MBNL1: variants seen among roughly 807,000 people sequenced by gnomAD.
MBNL1 encodes the protein muscleblind-like protein 1.
MBNL1 carries 8 observed loss-of-function variants against 42.2 expected under a neutral mutation model. The observed-to-expected ratio is 0.19, with a 90% CI of 0.11 to 0.34. The LOEUF (loss-of-function observed/expected upper bound fraction) is 0.34. Among genes scored for constraint, MBNL1 ranks in the 10% least tolerant of loss-of-function variants. The probability of loss-of-function intolerance (pLI) is 1.00; values close to 1 mark genes in which losing one functional copy is unlikely to be tolerated. For missense variants in MBNL1, 309 were observed against 495.3 expected (o/e 0.62, Z 3.57); for synonymous variants, 169 against 173.9 (o/e 0.97, Z 0.22).
chr3:152,334,179 T>G (rs1482438574), intron 2 of MBNL1, among the ~76,000 whole-genome samples: 1 of 152,212 alleles, frequency 6.6e-6, no homozygotes, highest in Non-Finnish European at 1.5e-5. Flanking sequence ...GGTTTTCAGT[T>G]TTGCTAATGA....
At chr3:152,277,841 A>G (rs1270585069) in intron 1 of MBNL1, among the ~76,000 whole-genome samples, 1 of 152,106 alleles carries the variant, frequency 6.6e-6, no homozygotes, top group Non-Finnish European at 1.5e-5. Context: ...AATATTTACA[A>G]CTTATTAGTT....
chr3:152,248,092 C>G (rs187411533), intron 2 of MBNL1, among the ~76,000 whole-genome samples: 125 of 151,972 alleles, frequency 8.2e-4, no homozygotes, highest in African/African-American at 2.7e-3. Flanking sequence ...AAAATCACCA[C>G]AGTTTTGATT....
At chr3:152,412,201 A>G (rs7629065) in intron 2 of MBNL1, among the ~76,000 whole-genome samples, 52,674 of 152,076 alleles carry the variant, frequency 0.35, 9,318 homozygotes, top group Middle Eastern at 0.43. Flanking sequence ...CAGCAGCAGA[A>G]TCAGTATTAA....
At chr3:152,288,482 T>C (rs766105073) in intron 1 of MBNL1, among the ~76,000 whole-genome samples, 36 of 152,308 alleles carry the variant, frequency 2.4e-4, no homozygotes, top group Middle Eastern at 3.4e-3. Context: ...CTTTGCATTA[T>C]GTATAGCAGT....
intron 1 of MBNL1, among the ~76,000 whole-genome samples, chr3:152,288,108 G>GT (rs1280072809): frequency 6.6e-6 from 1 of 152,122 alleles, no homozygotes; most frequent in Non-Finnish European, 1.5e-5. Flanking sequence ...AAAAGCGTTG[G>GT]TAATGCTCAC....
intron 2 of MBNL1, among the ~76,000 whole-genome samples, chr3:152,262,132 T>A (rs969933000): frequency 5.9e-5 from 9 of 152,128 alleles, no homozygotes; most frequent in African/African-American, 1.9e-4. Flanking sequence ...TGGCACATAA[T>A]CAGCAGTCAA....
intron 2 of MBNL1, among the ~76,000 whole-genome samples, chr3:152,368,358 C>G (rs1202201952): frequency 6.6e-6 from 1 of 151,972 alleles, no homozygotes; most frequent in African/African-American, 2.4e-5. Context: ...CTGTTCTGTT[C>G]CATTGGTCTA....
At chr3:152,412,875 T>A (rs2098619921) in intron 2 of MBNL1, among the ~76,000 whole-genome samples, 1 of 152,214 alleles carries the variant, frequency 6.6e-6, no homozygotes, top group Non-Finnish European at 1.5e-5. Context: ...AAGTGAATTC[T>A]CGTGGTGACC....
intron 2 of MBNL1, among the ~76,000 whole-genome samples, chr3:152,351,814 G>A (rs1270034567): frequency 1.3e-5 from 2 of 152,154 alleles, no homozygotes; most frequent in East Asian, 1.9e-4. Context: ...AACACAAAAA[G>A]CATGCAAACA....
intron 3 of MBNL1, among the ~76,000 whole-genome samples, chr3:152,425,665 A>G (rs34761467): frequency 0.35 from 52,954 of 151,920 alleles, 9,420 homozygotes; most frequent in Middle Eastern, 0.43. Context: ...AGCATCTCAC[A>G]CCAGTTAGAA....
intron 4 of MBNL1, among the ~76,000 whole-genome samples, chr3:152,443,729 A>G (rs1211316492): frequency 6.6e-6 from 1 of 152,140 alleles, no homozygotes; most frequent in African/African-American, 2.4e-5. Flanking sequence ...CTTATGTTCA[A>G]TAAGATAAAT....
At chr3:152,281,327 AT>A (rs1230032629) in intron 1 of MBNL1, among the ~76,000 whole-genome samples, 1 of 152,080 alleles carries the variant, frequency 6.6e-6, no homozygotes, top group East Asian at 1.9e-4. Flanking sequence ...TCAGTATGGT[AT>A]GAATTAGGCA....
chr3:152,461,400 T>A (rs1745599133), intron 9 of MBNL1, among the ~76,000 whole-genome samples: 1 of 152,222 alleles, frequency 6.6e-6, no homozygotes, highest in East Asian at 1.9e-4. Context: ...GTGTTGTAGG[T>A]TTAGAAGAAG....
chr3:152,465,048 A>G lies in MBNL1; in HGVS notation c.*2682A>G, dbSNP rs1243192867. ...ATTTTTTCAGCTGGAAAGATACGCC[A>G]TCCTTTCAAACCCTCATGACTGACA... On this transcript the variant is annotated 3_prime_UTR_variant, in exon 10 of 10. Transcript: ENST00000324210. 1 of 152,572 alleles carries G rather than the reference A, an allele frequency of 6.6e-6. No homozygotes were observed. Among genetic ancestry groups the G allele is most frequent in the Non-Finnish European group, 1.5e-5 (1 of 68,022 alleles). The allele number at this position is 152,572 out of a possible 1,614,324, so 9.5% of individuals were successfully genotyped here.
chr3:152,369,775 T>C (rs1464170214), intron 2 of MBNL1, among the ~76,000 whole-genome samples: 1 of 152,242 alleles, frequency 6.6e-6, no homozygotes, highest in African/African-American at 2.4e-5. Flanking sequence ...CCATTTCTTC[T>C]AGATTTTCTA....
chr3:152,455,044 ATGTT>A (rs1730867025), intron 6 of MBNL1, among the ~76,000 whole-genome samples: 1 of 152,200 alleles, frequency 6.6e-6, no homozygotes, highest in East Asian at 1.9e-4. Context: ...ATGAAAATGA[ATGTT>A]TGGGTTTCAT....
intron 2 of MBNL1, among the ~76,000 whole-genome samples, chr3:152,377,306 T>C (rs2096952278): frequency 6.6e-6 from 1 of 152,234 alleles, no homozygotes; most frequent in Admixed American, 6.5e-5. Context: ...TACCTACTGC[T>C]GTCCTCTATA....
intron 2 of MBNL1, among the ~76,000 whole-genome samples, chr3:152,332,157 G>A (rs1333550599): frequency 6.6e-6 from 1 of 152,154 alleles, no homozygotes; most frequent in South Asian, 2.1e-4. Flanking sequence ...TTAGATGACT[G>A]GATAAAAGAG....
At position 152,447,676 on chromosome 3, in the gene MBNL1, C is replaced by T; in HGVS notation, c.864C>T (p.Thr288=). ...CAAAGAGGCCTGCTCTTGAAAAAAC[C>T]AACGGTGCCACCGCAGTCTTTAACA... ...PLPKRPALEK[T]NGATAVFNTG... The change falls in exon 6 of 10, where the codon ACC becomes ACT. Residue 288 remains threonine, a synonymous_variant. Transcript: ENST00000324210. 6.2e-7 allele frequency: 1 copy of T among 1,613,640 alleles called. No homozygotes were observed. Among genetic ancestry groups the T allele is most frequent in the Non-Finnish European group, 8.5e-7 (1 of 1,179,726 alleles).
Sources: gnomAD v4.1 joint callset for allele counts (sites outside exome capture counted in the v4.1 genomes callset) on GRCh38, gnomAD v4.1.1 for gene constraint, MANE v1.5 for transcripts, NCBI Gene and HGNC (gene_info 2026-07-23, HGNC 2026-07-21) for gene names.